Variants in CLCA4 observed in about 807,000 individuals in gnomAD.
CLCA4 encodes the protein calcium-activated chloride channel regulator 4.
In CLCA4, 69 loss-of-function variants were observed where a neutral mutation model predicts 78.9. The ratio of observed to expected loss-of-function variants is 0.87; its 90% CI spans 0.72 to 1.07. CLCA4 has a LOEUF of 1.07. CLCA4 is among the 50% of genes least tolerant of loss of function. The probability of loss-of-function intolerance (pLI) is 0.00; values close to 1 mark genes in which losing one functional copy is unlikely to be tolerated. For synonymous variants in CLCA4, 362 were observed against 375.8 expected, an observed-to-expected ratio of 0.96 and a Z score of 0.42; for missense variants, 1,133 against 1,095.8, an observed-to-expected ratio of 1.03 and a Z score of -0.48.
At chr1:86,552,367 C>T (rs1033943066) in intron 1 of CLCA4, among the ~76,000 whole-genome samples, 1 of 152,202 alleles carries the variant, frequency 6.6e-6, no homozygotes, top group Admixed American at 6.5e-5. Context: ...GCTGTAAGGA[C>T]GTCAGGACCG....
At chr1:86,553,158 A>G (rs1649716148) in intron 1 of CLCA4, 2 of 988,314 alleles carry the variant, frequency 2.0e-6, no homozygotes, top group African/African-American at 1.6e-5. Context: ...CCACGTGGCA[A>G]TGAGGATTGA....
At position 86,552,871 on chromosome 1, in the gene CLCA4, G is replaced by A. The variant is rs79435861; in HGVS notation, c.159+5593G>A. 70 of 719,564 alleles carry A rather than the reference G, an allele frequency of 9.7e-5. No homozygotes were observed. In the South Asian group the frequency reaches 9.8e-4, roughly 10 times the overall value. The allele number at this position is 719,564 out of a possible 1,614,324, so 44.6% of individuals were successfully genotyped here. A position where few individuals can be genotyped will look rare whatever the true frequency, so the allele number is the denominator to read the frequency against. On this transcript the variant is annotated intron_variant, in intron 1 of 13. Transcript: ENST00000370563. ...ATATATATCTGATCGAGTGATTTGC[G>A]AAAGCTTCCTCTGTTTTCTTGAGGG...
At chr1:86,571,681 G>A (rs999327891) in intron 8 of CLCA4, among the ~76,000 whole-genome samples, 5 of 151,952 alleles carry the variant, frequency 3.3e-5, no homozygotes, top group African/African-American at 1.2e-4. Flanking sequence ...GACAATGCAA[G>A]GCGCATGGAG....
At chr1:86,566,969 C>G (rs752673530) in intron 6 of CLCA4, among the ~76,000 whole-genome samples, 12 of 151,916 alleles carry the variant, frequency 7.9e-5, no homozygotes, top group Non-Finnish European at 1.6e-4. Context: ...TAAGTATTAC[C>G]TTTTGGGCAG....
chr1:86,568,380 ATAAT>A lies in CLCA4; in HGVS notation c.1182+731_1182+734del, dbSNP rs1650260278. Among the ~76,000 whole-genome samples the A allele has an allele frequency of 1.3e-5, 2 of 148,558 alleles. 1 individual carries two copies. The highest frequency in any genetic ancestry group is 4.9e-5 in the African/African-American group (2 of 40,868). On this transcript the variant is annotated intron_variant, in intron 7 of 13. Transcript: ENST00000370563. ...ATATACTATATATACTAATTATATA[ATAAT>A]TTATTATAAGTGTATATTTATAATA...
rs542125321 is a variant in CLCA4, at chr1:86,552,714, C to T, written c.159+5436C>T. 4 of 1,383,852 alleles carry T rather than the reference C, an allele frequency of 2.9e-6. No homozygotes were observed. In the East Asian group the frequency reaches 9.3e-5, roughly 32 times the overall value. The allele number at this position is 1,383,852 out of a possible 1,614,324, so 85.7% of individuals were successfully genotyped here. A position where few individuals can be genotyped will look rare whatever the true frequency, so the allele number is the denominator to read the frequency against. ...CACGGGGTGACCGGAGCCAAGCCCT[C>T]GAGCCCTTCACAGGGGCCCGGCCCG... On this transcript the variant is annotated intron_variant, in intron 1 of 13. Coordinates refer to ENST00000370563, the MANE Select transcript of CLCA4 (RefSeq NM_012128.4).
rs539177280 is a variant in CLCA4, at chr1:86,579,983, C to A, written c.2398C>A (p.Leu800Ile). The change falls in exon 14 of 14, where the codon CTA (leucine) becomes ATA (isoleucine). Residue 800 changes from leucine to isoleucine, a missense_variant. Physicochemically the swap from Leu to Ile is conservative, Grantham distance 5. Coordinates refer to ENST00000370563, the MANE Select transcript of CLCA4 (RefSeq NM_012128.4). ...IIRISASILD[L>I]RDSFDDALQV... ...AAGAATAAGTGCAAGTATTCTTGATCTAAGAGACAGTTTTGATGATGCTCT... is the reference window on the plus strand; with the variant it reads ...AAGAATAAGTGCAAGTATTCTTGATATAAGAGACAGTTTTGATGATGCTCT... 1.1e-4 allele frequency: 176 copies of A among 1,604,380 alleles called. No homozygotes were observed. The East Asian group carries it at 3.2e-3, about 29-fold the overall frequency.
rs1002654376 is a variant in CLCA4 at position 86,560,135 on chromosome 1, ATTAT to A, written c.300+67_301-69del. 6 of 1,555,826 alleles carry A rather than the reference ATTAT, an allele frequency of 3.9e-6. No individual in the cohort carries two copies. The African/African-American group carries it at 4.2e-5, about 11-fold the overall frequency. On this transcript the variant is annotated intron_variant, in intron 2 of 13. Transcript: ENST00000370563. ...CTGATATTAACCATTTTTGCCACAA[ATTAT>A]TTAAGAGTCTTTCTAACTGAATATT...
At chr1:86,554,886 A>AT (rs1214471949) in intron 1 of CLCA4, among the ~76,000 whole-genome samples, 1 of 151,136 alleles carries the variant, frequency 6.6e-6, no homozygotes, top group Non-Finnish European at 1.5e-5. Context: ...CTTTTTAATA[A>AT]TAGCCATTCT....
intron 11 of CLCA4, among the ~76,000 whole-genome samples, chr1:86,576,397 G>A (rs887953768): frequency 1.3e-5 from 2 of 151,858 alleles, no homozygotes; most frequent in South Asian, 4.2e-4. Flanking sequence ...TGCCCCAGCC[G>A]GTCTCAAACT....
rs920714606 is a variant in CLCA4 at position 86,575,485 on chromosome 1, G to A, written c.1837G>A (p.Val613Ile). Residue 613 changes from valine to isoleucine, a missense_variant, in exon 11 of 14, where the codon GTT becomes ATT. Transcript: ENST00000370563. ...DVNSFPSPMI[V>I]YAEILQGYVP... is the part of the protein sequence containing the mutation. ...AAACAGTTTCCCCAGCCCAATGATT[G>A]TTTACGCAGAAATTCTACAAGGATA... 2 of 1,613,392 alleles carry A rather than the reference G, an allele frequency of 1.2e-6. No individual in the cohort carries two copies. The highest frequency in any genetic ancestry group is 2.2e-5 in the East Asian group (1 of 44,854).
intron 1 of CLCA4, among the ~76,000 whole-genome samples, chr1:86,550,908 T>G (rs1570316878): frequency 6.7e-6 from 1 of 150,280 alleles, no homozygotes; most frequent in Admixed American, 6.6e-5. Flanking sequence ...CTTGGCTCAC[T>G]GCAAGCTCCG....
chr1:86,560,724 T>A (rs1166071511), intron 3 of CLCA4, among the ~76,000 whole-genome samples: 1 of 152,154 alleles, frequency 6.6e-6, no homozygotes. Flanking sequence ...TATTAACAAA[T>A]CACCAGTAAG....
intron 1 of CLCA4, among the ~76,000 whole-genome samples, chr1:86,550,136 G>A (rs1397077411): frequency 1.3e-5 from 2 of 152,210 alleles, no homozygotes; most frequent in East Asian, 3.8e-4. Context: ...TTACCCAGCA[G>A]AAGGTGATAG....
chr1:86,567,054 G>T (rs1476487118), intron 6 of CLCA4, among the ~76,000 whole-genome samples: 2 of 151,844 alleles, frequency 1.3e-5, no homozygotes, highest in Non-Finnish European at 2.9e-5. Flanking sequence ...TTATAGGCTT[G>T]GGGGTATGGT....
intron 3 of CLCA4, among the ~76,000 whole-genome samples, chr1:86,561,765 G>A (rs1650026042): frequency 6.6e-6 from 1 of 152,020 alleles, no homozygotes; most frequent in Non-Finnish European, 1.5e-5. Flanking sequence ...CCCCATATCA[G>A]TTATTGATTT....
At chr1:86,576,605 G>A (rs1478112379) in intron 11 of CLCA4, among the ~76,000 whole-genome samples, 1 of 152,076 alleles carries the variant, frequency 6.6e-6, no homozygotes, top group East Asian at 1.9e-4. Flanking sequence ...TAGAGAGAGG[G>A]TGAAGCACAA....
chr1:86,565,355 T>TA lies in CLCA4; in HGVS notation c.639_640insA (p.Ser214IlefsTer15), dbSNP rs1363678474. ...GTCTTAGTAGAGCATGCAGAATTGA[T>TA]TCTACAACAAAACTGTATGGAAAAG... On this transcript the variant is annotated frameshift_variant, in exon 5 of 14. Transcript: ENST00000370563. LOFTEE classifies it high-confidence loss of function. The TA allele has an allele frequency of 6.2e-7, 1 of 1,609,508 alleles. No individual in the cohort carries two copies. The highest frequency in any genetic ancestry group is 2.2e-5 in the East Asian group (1 of 44,760).
intron 3 of CLCA4, among the ~76,000 whole-genome samples, chr1:86,561,362 T>C (rs913118402): frequency 1.3e-5 from 2 of 152,252 alleles, no homozygotes; most frequent in Admixed American, 1.3e-4. Flanking sequence ...TTATGTTTCA[T>C]TCAATTTACT....
Sources: gnomAD v4.1 joint callset for allele counts (sites outside exome capture counted in the v4.1 genomes callset) on GRCh38, gnomAD v4.1.1 for gene constraint, MANE v1.5 for transcripts, NCBI Gene and HGNC (gene_info 2026-07-23, HGNC 2026-07-21) for gene names.